TXLNB: variants seen among roughly 807,000 people sequenced by gnomAD.
TXLNB encodes taxilin beta, also known as beta-taxilin.
TXLNB carries 37 observed loss-of-function variants against 57.4 expected under a neutral mutation model. That is an observed-to-expected ratio of 0.64 (90% CI 0.50 to 0.85). The LOEUF is 0.85. TXLNB is among the 40% of genes least tolerant of loss of function. The pLI is 0.00. For synonymous variants in TXLNB, 302 were observed against 309.6 expected (o/e 0.98, Z 0.26); for missense variants, 848 against 825.6 (o/e 1.03, Z -0.33).
intron 4 of TXLNB, among the ~76,000 whole-genome samples, chr6:139,269,418 C>T (rs1776702340): frequency 6.6e-6 from 1 of 152,220 alleles, no homozygotes; most frequent in African/African-American, 2.4e-5. Flanking sequence ...CTTCCATCCT[C>T]AGGCCCCCAT....
chr6:139,210,604 C>A, the TXLNB span, among the ~76,000 whole-genome samples: 22 of 152,228 alleles, frequency 1.4e-4, no homozygotes, highest in Non-Finnish European at 2.9e-4. Flanking sequence ...GTACTGGGTT[C>A]ATCTCACTGG....
At chr6:139,246,931 T>A (rs1348061316) in intron 8 of TXLNB, among the ~76,000 whole-genome samples, 13 of 146,088 alleles carry the variant, frequency 8.9e-5, no homozygotes, top group African/African-American at 2.5e-4. Context: ...AAAAAAAAAA[T>A]TAGATTCAGG....
At chr6:139,233,273 T>C in the TXLNB span, among the ~76,000 whole-genome samples, 1 of 150,734 alleles carries the variant, frequency 6.6e-6, no homozygotes, top group East Asian at 1.9e-4. Context: ...GATATAATTA[T>C]GAGTAAGTTT....
At chr6:139,184,919 G>A in the TXLNB span, among the ~76,000 whole-genome samples, 1 of 152,188 alleles carries the variant, frequency 6.6e-6, no homozygotes, top group Non-Finnish European at 1.5e-5. Context: ...TGGTTTAGGG[G>A]CTGTCCCTTG....
the TXLNB span, among the ~76,000 whole-genome samples, chr6:139,313,561 C>G: frequency 6.6e-6 from 1 of 152,070 alleles, no homozygotes; most frequent in Non-Finnish European, 1.5e-5. Context: ...GGCAAAGAAC[C>G]AGGTGCAGGA....
rs148731239 is a variant in TXLNB at position 139,242,566 on chromosome 6, G to A, written c.2015C>T (p.Pro672Leu). Residue 672 changes from proline (P) to leucine (L), a missense_variant, in exon 10 of 10, where the codon CCG (proline) becomes CTG (leucine). Coordinates refer to ENST00000358430, the MANE Select transcript of TXLNB (RefSeq NM_153235.4). ...CAGATTGGTGTCAGCCACGTTGCGC[G>A]GCTGGGGCCCAGCTGAGGCCCCTAC... ...LPVGASAGPQ[P>L]RNVADTNLEG... 1.5e-5 allele frequency: 22 copies of A among 1,516,818 alleles called. No homozygotes were observed. The highest frequency in any genetic ancestry group is 9.2e-5 in the East Asian group (4 of 43,444). The allele number at this position is 1,516,818 out of a possible 1,614,324, so 94.0% of individuals were successfully genotyped here.
At chr6:139,254,904 C>T (rs760048540) in intron 7 of TXLNB, among the ~76,000 whole-genome samples, 8 of 151,672 alleles carry the variant, frequency 5.3e-5, no homozygotes, top group Non-Finnish European at 1.2e-4. Context: ...CTGCAGCCTC[C>T]GCCTCCTGAG....
At chr6:139,160,435 A>G in the TXLNB span, among the ~76,000 whole-genome samples, 1 of 152,068 alleles carries the variant, frequency 6.6e-6, no homozygotes, top group Non-Finnish European at 1.5e-5. Context: ...CCTTTGTGGG[A>G]CTGCTGTTCT....
At chr6:139,274,005 T>G (rs1176118165) in intron 3 of TXLNB, among the ~76,000 whole-genome samples, 1 of 152,266 alleles carries the variant, frequency 6.6e-6, no homozygotes, top group African/African-American at 2.4e-5. Flanking sequence ...TTTCTGTCTG[T>G]AATTTCTCTT....
chr6:139,262,956 G>A (rs1776524421), intron 4 of TXLNB, among the ~76,000 whole-genome samples, 183 bp from the exon 5 acceptor site: 1 of 152,192 alleles, frequency 6.6e-6, no homozygotes, highest in East Asian at 1.9e-4. Flanking sequence ...TGAGTACATA[G>A]TTACTCAGAA....
At chr6:139,276,378 G>A (rs11963965) in intron 3 of TXLNB, among the ~76,000 whole-genome samples, 19,288 of 152,216 alleles carry the variant, frequency 0.13, 1,537 homozygotes, top group African/African-American at 0.23. Flanking sequence ...TGAATTTTTA[G>A]TGTATGGTAA....
At chr6:139,200,379 A>T in the TXLNB span, among the ~76,000 whole-genome samples, 1 of 152,224 alleles carries the variant, frequency 6.6e-6, no homozygotes, top group South Asian at 2.1e-4. Flanking sequence ...GGCAGATAAG[A>T]GTACCCATAG....
the TXLNB span, chr6:139,174,425 G>A: frequency 3.7e-6 from 6 of 1,613,996 alleles, no homozygotes. Flanking sequence ...TGGACTGCCT[G>A]GAAGGGGTTC....
At chr6:139,239,049 C>G, downstream of TXLNB, 1 of 152,180 alleles carries the variant, frequency 6.6e-6, no homozygotes, top group East Asian at 1.9e-4. The surrounding 1 kb of genome is among the most constrained non-coding windows in gnomAD (Gnocchi z 4.7). Flanking sequence ...AATACCAGGC[C>G]AAAAGGAGCA....
At chr6:139,296,971 T>G (rs1040943765), upstream of TXLNB, among the ~76,000 whole-genome samples, 8 of 152,148 alleles carry the variant, frequency 5.3e-5, no homozygotes, top group Non-Finnish European at 1.2e-4. Flanking sequence ...ACTGCCAATT[T>G]CAATAGTATC....
At chr6:139,167,236 C>T in the TXLNB span, 21 of 1,613,998 alleles carry the variant, frequency 1.3e-5, no homozygotes, top group African/African-American at 1.7e-4. Flanking sequence ...TCCCGGTGTT[C>T]GAACAGTTCC....
At chr6:139,214,999 C>T in the TXLNB span, among the ~76,000 whole-genome samples, 2 of 152,104 alleles carry the variant, frequency 1.3e-5, no homozygotes, top group African/African-American at 4.8e-5. Flanking sequence ...AATGGAAGAA[C>T]ATTCCATGCT....
the TXLNB span, among the ~76,000 whole-genome samples, chr6:139,302,600 C>T: frequency 2.2e-3 from 239 of 108,318 alleles, 1 homozygote; most frequent in African/African-American, 8.0e-3. Context: ...CCCATCTCTA[C>T]TAAAAATACA....
chr6:139,228,745 G>GA, the TXLNB span, among the ~76,000 whole-genome samples: 1 of 152,054 alleles, frequency 6.6e-6, no homozygotes, highest in Non-Finnish European at 1.5e-5. Flanking sequence ...GGTACACGTG[G>GA]GCGAGCACAC....
Sources: gnomAD v4.1 joint callset for allele counts (sites outside exome capture counted in the v4.1 genomes callset) on GRCh38, gnomAD v4.1.1 for gene constraint, Gnocchi (gnomAD v3.1) non-coding constraint, MANE v1.5 for transcripts, NCBI Gene and HGNC (gene_info 2026-07-23, HGNC 2026-07-21) for gene names.